Variants in COL23A1 observed in about 807,000 individuals in gnomAD.
COL23A1 encodes collagen alpha-1(XXIII) chain.
Under a neutral mutation model 99.3 loss-of-function variants are expected in COL23A1, and 97 were observed. The ratio of observed to expected loss-of-function variants is 0.98; its 90% CI spans 0.83 to 1.16. The LOEUF (loss-of-function observed/expected upper bound fraction) is 1.16, where lower values mean the gene tolerates loss of function less well. COL23A1 is among the 50% of genes most tolerant of loss of function. The probability of loss-of-function intolerance (pLI) is 0.00; values close to 1 mark genes in which losing one functional copy is unlikely to be tolerated. For missense variants in COL23A1, 762 were observed against 757.4 expected (o/e 1.01, Z -0.07); for synonymous variants, 320 against 308.2 (o/e 1.04, Z -0.40).
intron 2 of COL23A1, among the ~76,000 whole-genome samples, chr5:178,319,021 T>G (rs1759135890): frequency 6.6e-6 from 1 of 151,732 alleles, no homozygotes; most frequent in African/African-American, 2.4e-5. Flanking sequence ...TTGCCAACGC[T>G]GGCAGCAGGA....
intron 2 of COL23A1, among the ~76,000 whole-genome samples, chr5:178,341,157 G>A (rs564522718): frequency 2.0e-5 from 3 of 152,294 alleles, no homozygotes; most frequent in African/African-American, 7.2e-5. Context: ...TTGAGACAGG[G>A]TCTCTGTCAC....
chr5:178,308,187 G>C lies in COL23A1; in HGVS notation c.362-1268C>G, dbSNP rs1258341338. Among the ~76,000 whole-genome samples the C allele has an allele frequency of 6.6e-6, 1 of 152,046 alleles. No homozygotes were observed. On this transcript the variant is annotated intron_variant, in intron 2 of 28. Coordinates refer to ENST00000390654, the MANE Select transcript of COL23A1 (RefSeq NM_173465.4). The surrounding 1 kb of genome is among the most constrained non-coding windows in gnomAD (Gnocchi z 5.1). ...TTTGTTAAGGGAAGGGGAGGAGGGA[G>C]GGCCAGTCTCTGAGAAACAGCGAGA...
rs74850769 is a variant in COL23A1 at position 178,467,936 on chromosome 5, G to A, written c.361+92746C>T. Among the ~76,000 whole-genome samples, 1,211 of 152,270 alleles carry A rather than the reference G, an allele frequency of 8.0e-3. 11 individuals are homozygous for A. The highest frequency in any genetic ancestry group is 0.024 in the African/African-American group (1,014 of 41,550). Reference sequence around the variant, plus strand: ...GGGAAACTGCAGGCGCTGCAGAGGCGTTAGCGACACACGGGCCCCAACAGG... The same window carrying A: ...GGGAAACTGCAGGCGCTGCAGAGGCATTAGCGACACACGGGCCCCAACAGG... On this transcript the variant is annotated intron_variant, in intron 2 of 28. Transcript: ENST00000390654.
At chr5:178,351,830 AATG>A (rs1761344014) in intron 2 of COL23A1, 1 of 152,212 alleles carries the variant, frequency 6.6e-6, no homozygotes, top group African/African-American at 2.4e-5. Flanking sequence ...ATTAAAATAA[AATG>A]AGGTCATAAG....
chr5:178,361,701 T>G (rs1762183996), intron 2 of COL23A1, among the ~76,000 whole-genome samples: 1 of 152,084 alleles, frequency 6.6e-6, no homozygotes, highest in Non-Finnish European at 1.5e-5. Context: ...CCAATTCTTC[T>G]CCTGGGATCA....
chr5:178,345,205 C>A, intron 2 of COL23A1: 1 of 852,908 alleles, frequency 1.2e-6, no homozygotes, highest in Non-Finnish European at 1.9e-6. Flanking sequence ...ACCAGATGTG[C>A]GGGGTTAGAG....
intron 2 of COL23A1, among the ~76,000 whole-genome samples, chr5:178,346,727 C>T (rs1272892995): frequency 1.3e-5 from 2 of 152,156 alleles, no homozygotes; most frequent in Non-Finnish European, 2.9e-5. Context: ...TTTTCCTTCC[C>T]CCCGAAAAGA....
intron 1 of COL23A1, among the ~76,000 whole-genome samples, chr5:178,571,316 C>G (rs149990149): frequency 1.3e-5 from 2 of 152,010 alleles, no homozygotes; most frequent in South Asian, 4.2e-4. Context: ...GAGCCAAGAT[C>G]GCACCACTGC....
intron 2 of COL23A1, among the ~76,000 whole-genome samples, chr5:178,393,507 T>C (rs2127755387): frequency 6.6e-6 from 1 of 152,274 alleles, no homozygotes; most frequent in African/African-American, 2.4e-5. Flanking sequence ...TTAAAAATGG[T>C]TAAGATGGTA....
Position 178,280,091 on chromosome 5 carries a change from C to T in COL23A1, c.441+8233G>A, listed in dbSNP as rs561006187. 6.6e-6 allele frequency among the ~76,000 whole-genome samples: 1 copy of T among 152,372 alleles called. No individual in the cohort carries two copies. The highest frequency in any genetic ancestry group is 1.5e-5 in the Non-Finnish European group (1 of 68,036). ...CAACAACGGTGAAGGGAACGATTCTCTGAATGAACGTCCATCCTGCTGGCT... is the reference window on the plus strand; with the variant it reads ...CAACAACGGTGAAGGGAACGATTCTTTGAATGAACGTCCATCCTGCTGGCT... On this transcript the variant is annotated intron_variant, in intron 5 of 28. Coordinates refer to ENST00000390654, the MANE Select transcript of COL23A1 (RefSeq NM_173465.4). The surrounding 1 kb of genome is among the most constrained non-coding windows in gnomAD (Gnocchi z 4.9).
At chr5:178,262,910 A>G (rs1765712771) in intron 9 of COL23A1, among the ~76,000 whole-genome samples, 1 of 152,034 alleles carries the variant, frequency 6.6e-6, no homozygotes, top group South Asian at 2.1e-4. Context: ...AATGAGTTAG[A>G]GGTCAAGGTC....
chr5:178,414,340 A>G (rs1277524952), intron 2 of COL23A1, among the ~76,000 whole-genome samples: 4 of 151,846 alleles, frequency 2.6e-5, no homozygotes, highest in African/African-American at 9.7e-5. Context: ...ACCTTATGTC[A>G]CCACCACCAC....
intron 5 of COL23A1, among the ~76,000 whole-genome samples, chr5:178,285,612 T>A (rs918628014): frequency 3.9e-5 from 6 of 152,226 alleles, no homozygotes; most frequent in African/African-American, 1.4e-4. Context: ...GGCCTCTGTG[T>A]CTCACACTCA....
intron 2 of COL23A1, among the ~76,000 whole-genome samples, chr5:178,441,301 A>G (rs1324968017): frequency 5.3e-5 from 8 of 152,246 alleles, no homozygotes; most frequent in Non-Finnish European, 1.5e-5. Flanking sequence ...GACTGCTGTA[A>G]ATCTCACTTA....
chr5:178,330,528 C>T (rs1287817251), intron 2 of COL23A1, among the ~76,000 whole-genome samples: 2 of 152,034 alleles, frequency 1.3e-5, no homozygotes, highest in East Asian at 3.9e-4. Flanking sequence ...ATGGTGTGCA[C>T]CTGTAGTCTC....
chr5:178,390,902 A>G (rs1470263570), intron 2 of COL23A1, among the ~76,000 whole-genome samples: 1 of 152,256 alleles, frequency 6.6e-6, no homozygotes, highest in Non-Finnish European at 1.5e-5. Context: ...CACCGAAAGC[A>G]TAAGCAACCA....
chr5:178,307,503 T>C lies in COL23A1; in HGVS notation c.362-584A>G, dbSNP rs1467389887. Among the ~76,000 whole-genome samples the C allele has an allele frequency of 6.6e-6, 1 of 152,254 alleles. No individual in the cohort carries two copies. Among genetic ancestry groups the C allele is most frequent in the African/African-American group, 2.4e-5 (1 of 41,474 alleles). On this transcript the variant is annotated intron_variant, in intron 2 of 28. Coordinates refer to ENST00000390654, the MANE Select transcript of COL23A1 (RefSeq NM_173465.4). The surrounding 1 kb of genome is among the most constrained non-coding windows in gnomAD (Gnocchi z 4.2). ...GCCAGGGAGCTGCTCAGCCGCCTTC[T>C]GGGCTTCCTGTCCACGTCTGTCCTC...
rs941581803 is a variant in COL23A1 at position 178,329,788 on chromosome 5, T to C, written c.362-22869A>G. On this transcript the variant is annotated intron_variant, in intron 2 of 28. Coordinates refer to ENST00000390654, the MANE Select transcript of COL23A1 (RefSeq NM_173465.4). ...CCCATCTCTACTAAAAATACAAAAA[T>C]TAGCCAGGCGTGCTGGTAGGAGTCT... 7.2e-5 allele frequency among the ~76,000 whole-genome samples: 11 copies of C among 151,964 alleles called. No homozygotes were observed. In the South Asian group the frequency reaches 1.9e-3, roughly 26 times the overall value.
chr5:178,255,791 A>C lies in COL23A1; in HGVS notation c.882+562T>G. ...CCCCCTCCCGCTCCCCACCACCTGC[A>C]CAGCCAGGCGGGGGCTCAGATCCAT... On this transcript the variant is annotated intron_variant, in intron 15 of 28. Coordinates refer to ENST00000390654, the MANE Select transcript of COL23A1 (RefSeq NM_173465.4). The surrounding 1 kb of genome is among the most constrained non-coding windows in gnomAD (Gnocchi z 4.2). 2.7e-6 allele frequency: 1 copy of C among 368,780 alleles called. No homozygotes were observed. The highest frequency in any genetic ancestry group is 1.9e-5 in the South Asian group (1 of 52,208). 22.8% of individuals were successfully genotyped at this position (368,780 alleles called of 1,614,324 possible). A position where few individuals can be genotyped will look rare whatever the true frequency, so the allele number is the denominator to read the frequency against.
Sources: gnomAD v4.1 joint callset for allele counts (sites outside exome capture counted in the v4.1 genomes callset) on GRCh38, gnomAD v4.1.1 for gene constraint, Gnocchi (gnomAD v3.1) non-coding constraint, MANE v1.5 for transcripts, NCBI Gene and HGNC (gene_info 2026-07-23, HGNC 2026-07-21) for gene names.